QSER1: variants seen among roughly 807,000 people sequenced by gnomAD.
QSER1 encodes glutamine and serine-rich protein 1.
Under a neutral mutation model 158.5 loss-of-function variants are expected in QSER1, and 49 were observed. That is an observed-to-expected ratio of 0.31 (90% confidence interval 0.25 to 0.39). QSER1 has a LOEUF of 0.39. QSER1 is among the 10% of genes least tolerant of loss of function. The pLI is 1.00. For missense variants in QSER1, 1,754 were observed against 2,010.3 expected (o/e 0.87, Z 2.44); for synonymous variants, 650 against 715.5 (o/e 0.91, Z 1.46).
chr11:32,933,035 GA>G lies in QSER1; in HGVS notation c.1778del (p.Glu593GlyfsTer3), dbSNP rs1564934238. ...TCTTTCAGAAAGCTATGCTTCAGGGGAGTCCCTAACATTAACAGCCCCTTCT... is the reference window on the plus strand; with the variant it reads ...TCTTTCAGAAAGCTATGCTTCAGGGGGTCCCTAACATTAACAGCCCCTTCT... ...VSLSESYASGESLTLTAPSLS... is the reference protein window; with the variant it reads ...VSLSESYASGXSLTLTAPSLS... On this transcript the variant is annotated frameshift_variant, in exon 4 of 13. Coordinates refer to ENST00000650167, the MANE Select transcript of QSER1 (RefSeq NM_001076786.3). LOFTEE classifies it high-confidence loss of function. The G allele has an allele frequency of 1.2e-6, 2 of 1,612,662 alleles. No individual in the cohort carries two copies.
chr11:32,966,247 T>A, intron 8 of QSER1, 53 bp from the exon 9 acceptor site: 1 of 1,581,418 alleles, frequency 6.3e-7, no homozygotes, highest in Non-Finnish European at 8.6e-7. Context: ...AGAAAAGTGT[T>A]TTTAAAATTG....
chr11:32,946,455 A>C (rs571990705), intron 4 of QSER1, among the ~76,000 whole-genome samples: 56 of 151,958 alleles, frequency 3.7e-4, no homozygotes, highest in Admixed American at 2.9e-3. Context: ...TCCTTCTAAC[A>C]GACAGGACCC....
intron 9 of QSER1, 114 bp downstream of exon 9, chr11:32,966,551 G>T (rs1852752983): frequency 2.3e-6 from 2 of 869,312 alleles, no homozygotes; most frequent in Non-Finnish European, 3.3e-6. Flanking sequence ...CCTATAAATT[G>T]TCAGTTAAAT....
At chr11:32,964,717 C>CATATATATATATATATATATAT (rs375985842) in intron 8 of QSER1, among the ~76,000 whole-genome samples, 14 of 64,226 alleles carry the variant, frequency 2.2e-4, no homozygotes, top group African/African-American at 7.7e-4. Flanking sequence ...AAAAAAACAC[C>CATATATATATATATATATATAT]ATATATATAT....
chr11:32,938,376 A>G (rs1852183700), intron 4 of QSER1, among the ~76,000 whole-genome samples: 1 of 152,222 alleles, frequency 6.6e-6, no homozygotes, highest in Non-Finnish European at 1.5e-5. Context: ...AAAGTAGAAC[A>G]TTGAGGTGAT....
Position 32,933,355 on chromosome 11 carries a change from G to A in QSER1, c.2097G>A (p.Gln699=). Residue 699 remains glutamine, a synonymous_variant, in exon 4 of 13, where the codon CAG becomes CAA. Coordinates refer to ENST00000650167, the MANE Select transcript of QSER1 (RefSeq NM_001076786.3). ...ATGGTTTTCCAATGCAAGAGTTACA[G>A]GTGTTGCAGCCACAAGCATCTCTTG... The part of the protein sequence containing the change: ...QEDGFPMQEL[Q]VLQPQASLES... 1 of 1,613,160 alleles carries A rather than the reference G, an allele frequency of 6.2e-7. No individual in the cohort carries two copies. Among genetic ancestry groups the A allele is most frequent in the Non-Finnish European group, 8.5e-7 (1 of 1,179,726 alleles).
chr11:32,960,412 A>G (rs540237840), intron 8 of QSER1, among the ~76,000 whole-genome samples: 7 of 152,100 alleles, frequency 4.6e-5, no homozygotes, highest in African/African-American at 1.7e-4. Flanking sequence ...CAAAAAAATT[A>G]GCCAGGTGTG....
rs1332316369 is a variant in QSER1 at position 32,892,929 on chromosome 11, C to T, written c.-197C>T. On this transcript the variant is annotated 5_prime_UTR_variant, in exon 1 of 13. Transcript: ENST00000650167. ...GCCCAGCTGGGGCCTCGCCGCCCGCCGCGGCCCGGGTCTTTGCGGCCCAGA... is the reference window on the plus strand; with the variant it reads ...GCCCAGCTGGGGCCTCGCCGCCCGCTGCGGCCCGGGTCTTTGCGGCCCAGA... Among the ~76,000 whole-genome samples, 2 of 145,754 alleles carry T rather than the reference C, an allele frequency of 1.4e-5. No homozygotes were observed. The highest frequency in any genetic ancestry group is 3.0e-5 in the Non-Finnish European group (2 of 66,056).
At chr11:32,963,689 A>C (rs1472048147) in intron 8 of QSER1, among the ~76,000 whole-genome samples, 1 of 151,650 alleles carries the variant, frequency 6.6e-6, no homozygotes, top group East Asian at 1.9e-4. Flanking sequence ...ATTTAGAGAG[A>C]GGTCTCACTC....
chr11:32,957,777 A>AGGAG lies in QSER1; in HGVS notation c.4752-92_4752-91insGGAG. 3 of 1,022,696 alleles carry AGGAG rather than the reference A, an allele frequency of 2.9e-6. 1 individual carries two copies. The South Asian group carries it at 5.0e-5, about 17-fold the overall frequency. 63.4% of individuals were successfully genotyped at this position (1,022,696 alleles called of 1,614,324 possible). On this transcript the variant is annotated intron_variant, in intron 7 of 12. Transcript: ENST00000650167. ...AAGGTATTGGTGAGAGTAATTAGAT[A>AGGAG]ATCTTCTCCTGTGATTCTCTTTTAT...
chr11:32,955,231 T>C, intron 5 of QSER1, 65 bp from the exon 6 acceptor site: 1 of 867,502 alleles, frequency 1.2e-6, no homozygotes, highest in Non-Finnish European at 1.8e-6. Flanking sequence ...CTTTCATCTC[T>C]AATATTCTAA....
intron 6 of QSER1, 120 bp from the exon 7 acceptor site, chr11:32,955,868 T>C: frequency 6.0e-6 from 5 of 835,004 alleles, no homozygotes; most frequent in Non-Finnish European, 7.5e-6. Flanking sequence ...AAAATTAGCC[T>C]GGCCAGAGCT....
intron 1 of QSER1, among the ~76,000 whole-genome samples, chr11:32,916,872 C>G (rs1482672426): frequency 6.6e-6 from 1 of 151,824 alleles, no homozygotes; most frequent in African/African-American, 2.4e-5. Context: ...CTGCAACCTC[C>G]ACCTCCCGGG....
intron 8 of QSER1, among the ~76,000 whole-genome samples, chr11:32,963,298 GGC>G (rs1297745540): frequency 6.6e-6 from 1 of 150,980 alleles, no homozygotes; most frequent in Non-Finnish European, 1.5e-5. Flanking sequence ...TGGGACTACA[GGC>G]GCTAATTTTT....
In QSER1 at chr11:32,973,287, C is replaced by T. The variant is rs546098690; in HGVS notation, c.5206-110C>T. 799 of 1,130,690 alleles carry T rather than the reference C, an allele frequency of 7.1e-4. 1 individual carries two copies. Among genetic ancestry groups the T allele is most frequent in the South Asian group, 1.0e-3 (77 of 75,280 alleles). 70.0% of individuals were successfully genotyped at this position (1,130,690 alleles called of 1,614,324 possible). Reference sequence around the variant, plus strand: ...TAGGTGTTTGTGTGCACACACACCTCTCTGCAAATAGGTGTTTGTGTGCAC... The same window carrying T: ...TAGGTGTTTGTGTGCACACACACCTTTCTGCAAATAGGTGTTTGTGTGCAC... On this transcript the variant is annotated intron_variant, in intron 10 of 12. Transcript: ENST00000650167.
At position 32,978,203 on chromosome 11, in the gene QSER1, C is replaced by G. The variant is rs930737643; in HGVS notation, c.*1729C>G. ...TCCATTTTTGAAAGTTTTAAAAAAC[C>G]TGTTTGGGTGGTTTATTTTGAAAAC... On this transcript the variant is annotated 3_prime_UTR_variant, in exon 13 of 13. Coordinates refer to ENST00000650167, the MANE Select transcript of QSER1 (RefSeq NM_001076786.3). The G allele has an allele frequency of 1.3e-5, 2 of 152,472 alleles. No individual in the cohort carries two copies. Among genetic ancestry groups the G allele is most frequent in the African/African-American group, 4.8e-5 (2 of 41,412 alleles). The allele number at this position is 152,472 out of a possible 1,614,324, so 9.4% of individuals were successfully genotyped here. A position where few individuals can be genotyped will look rare whatever the true frequency, so the allele number is the denominator to read the frequency against.
rs1852138359 is a variant in QSER1, at chr11:32,935,444, T to G, written c.4177+9T>G. The G allele has an allele frequency of 7.5e-6, 11 of 1,472,552 alleles. No individual in the cohort carries two copies. Among genetic ancestry groups the G allele is most frequent in the African/African-American group, 1.4e-5 (1 of 71,022 alleles). The allele number at this position is 1,472,552 out of a possible 1,614,324, so 91.2% of individuals were successfully genotyped here. On this transcript the variant is annotated intron_variant, in intron 4 of 12. Coordinates refer to ENST00000650167, the MANE Select transcript of QSER1 (RefSeq NM_001076786.3). ...TAAAAAGAAGAAAACAGGTAAAGTT[T>G]TACAATTTAGATTCATAATTATTAC...
At chr11:32,956,290 A>G (rs995059329) in intron 7 of QSER1, among the ~76,000 whole-genome samples, 169 bp downstream of exon 7, 110 of 152,122 alleles carry the variant, frequency 7.2e-4, no homozygotes, top group Non-Finnish European at 1.4e-3. Flanking sequence ...TGAGATGGGC[A>G]CTGTAAAGCT....
chr11:32,953,788 T>G, intron 4 of QSER1, 69 bp from the exon 5 acceptor site: 3 of 1,511,068 alleles, frequency 2.0e-6, no homozygotes, highest in Non-Finnish European at 2.7e-6. Flanking sequence ...TAAACTGTTT[T>G]GAGTTTTACA....
Sources: allele counts gnomAD v4.1 joint callset (sites outside exome capture counted in the v4.1 genomes callset), GRCh38; gene constraint gnomAD v4.1.1; transcripts MANE v1.5; gene names NCBI Gene and HGNC (gene_info 2026-07-23, HGNC 2026-07-21).